BRINP3: variants seen among roughly 807,000 people sequenced by gnomAD.
The protein encoded by BRINP3 is BMP/retinoic acid inducible neural specific 3, also known as BMP/retinoic acid-inducible neural-specific protein 3.
Under a neutral mutation model 71.0 loss-of-function variants are expected in BRINP3, and 19 were observed. The ratio of observed to expected loss-of-function variants is 0.27; its 90% CI spans 0.19 to 0.39. The LOEUF is 0.39. Ranked by LOEUF, BRINP3 falls within the 10% of genes least tolerant of loss-of-function variation. The pLI, the probability that BRINP3 is intolerant of heterozygous loss-of-function variation, is 1.00. For synonymous variants in BRINP3, 380 were observed against 337.7 expected, an observed-to-expected ratio of 1.13 and a Z score of -1.37; for missense variants, 959 against 940.8, an observed-to-expected ratio of 1.02 and a Z score of -0.25.
At chr1:190,346,061 G>A (rs1174248001) in intron 2 of BRINP3, among the ~76,000 whole-genome samples, 1 of 151,868 alleles carries the variant, frequency 6.6e-6, no homozygotes, top group Non-Finnish European at 1.5e-5. Context: ...AACAATAAAA[G>A]GGTTAAGAAA....
At chr1:190,108,661 A>G (rs1399391932) in intron 7 of BRINP3, among the ~76,000 whole-genome samples, 2 of 150,024 alleles carry the variant, frequency 1.3e-5, no homozygotes, top group Non-Finnish European at 3.0e-5. Context: ...ACAAACAATG[A>G]TGAATTAACT....
In BRINP3 at chr1:190,160,675, T is replaced by C. The variant is rs1179291285; in HGVS notation, c.1177A>G (p.Arg393Gly). 5 of 1,611,986 alleles carry C rather than the reference T, an allele frequency of 3.1e-6. No individual in the cohort carries two copies. The highest frequency in any genetic ancestry group is 1.1e-5 in the South Asian group (1 of 90,750). ...CHKQPLISLP[R>G]QRTSTYWLTR... ...TTACCACAAATGTCTTACCTTTGTC[T>C]TGGCAGGCTGATGAGGGGTTGTTTA... The change falls in exon 7 of 8, where the codon AGA becomes GGA. Residue 393 changes from arginine (R) to glycine (G), a missense_variant. Arg to Gly is a moderately radical substitution (Grantham distance 125, BLOSUM62 -2). Transcript: ENST00000367462.
intron 7 of BRINP3, among the ~76,000 whole-genome samples, chr1:190,107,265 G>A (rs777102243): frequency 9.9e-5 from 15 of 151,482 alleles, no homozygotes; most frequent in African/African-American, 2.4e-4. Context: ...TATTTTCTTC[G>A]AAGCCTTTAC....
chr1:190,371,895 A>G (rs1669891959), intron 2 of BRINP3, among the ~76,000 whole-genome samples: 1 of 152,146 alleles, frequency 6.6e-6, no homozygotes, highest in Non-Finnish European at 1.5e-5. Flanking sequence ...TGAGGTCTGT[A>G]CAACCAGTAC....
chr1:190,163,557 G>A (rs1214947086), intron 6 of BRINP3, among the ~76,000 whole-genome samples: 2 of 151,912 alleles, frequency 1.3e-5, no homozygotes, highest in African/African-American at 4.8e-5. Flanking sequence ...AAGCTGGCAG[G>A]AATTTATAGT....
At chr1:190,196,118 A>C (rs1047632642) in intron 6 of BRINP3, among the ~76,000 whole-genome samples, 2 of 152,110 alleles carry the variant, frequency 1.3e-5, no homozygotes, top group African/African-American at 4.8e-5. Flanking sequence ...AGTTTCTATC[A>C]CTATAAAGCA....
At chr1:190,442,929 G>T in intron 2 of BRINP3, among the ~76,000 whole-genome samples, 1 of 127,178 alleles carries the variant, frequency 7.9e-6, no homozygotes, top group Non-Finnish European at 1.6e-5. Context: ...TTTTTTTTTG[G>T]CGACGGAGTT....
chr1:190,327,988 G>C (rs532020491), intron 2 of BRINP3, among the ~76,000 whole-genome samples: 1 of 152,024 alleles, frequency 6.6e-6, no homozygotes, highest in South Asian at 2.1e-4. Context: ...ATACCAAGAA[G>C]ATATCTCGAA....
intron 6 of BRINP3, among the ~76,000 whole-genome samples, chr1:190,205,012 C>T (rs908492473): frequency 2.0e-5 from 3 of 151,166 alleles, no homozygotes; most frequent in African/African-American, 4.9e-5. Flanking sequence ...AAAATCAGCC[C>T]GGACGATGTA....
intron 6 of BRINP3, among the ~76,000 whole-genome samples, chr1:190,191,527 T>A (rs961377870): frequency 6.6e-6 from 1 of 152,078 alleles, no homozygotes; most frequent in Non-Finnish European, 1.5e-5. Context: ...GTTCTTATGT[T>A]AGTTTGCTGA....
At chr1:190,197,879 G>C (rs1030515570) in intron 6 of BRINP3, among the ~76,000 whole-genome samples, 3 of 152,118 alleles carry the variant, frequency 2.0e-5, no homozygotes, top group Non-Finnish European at 4.4e-5. Context: ...GACTCTGTGT[G>C]GGAGCTCCCA....
intron 6 of BRINP3, among the ~76,000 whole-genome samples, chr1:190,187,634 G>A (rs1041356807): frequency 2.0e-5 from 3 of 152,116 alleles, no homozygotes; most frequent in African/African-American, 7.2e-5. Context: ...ATTGAAGACT[G>A]TCTTTTCTCC....
intron 2 of BRINP3, among the ~76,000 whole-genome samples, chr1:190,316,126 C>T (rs529867666): frequency 6.6e-6 from 1 of 151,574 alleles, no homozygotes; most frequent in South Asian, 2.1e-4. Context: ...AGTCCTATCA[C>T]CTCCAACTCT....
chr1:190,321,000 C>A (rs911332863), intron 2 of BRINP3, among the ~76,000 whole-genome samples: 7 of 151,982 alleles, frequency 4.6e-5, no homozygotes, highest in Middle Eastern at 3.4e-3. Context: ...TCTGTATATA[C>A]GCACATTTCC....
At chr1:190,268,540 A>G (rs1159904502) in intron 3 of BRINP3, among the ~76,000 whole-genome samples, 1 of 152,218 alleles carries the variant, frequency 6.6e-6, no homozygotes, top group East Asian at 1.9e-4. Context: ...TCAACATGCT[A>G]ATAAATATAT....
intron 7 of BRINP3, among the ~76,000 whole-genome samples, chr1:190,104,321 A>G: frequency 6.6e-6 from 1 of 152,084 alleles, no homozygotes; most frequent in African/African-American, 2.4e-5. Context: ...CACCTGGAAA[A>G]TAGGAATTAA....
chr1:190,462,992 A>G (rs1676495668), intron 1 of BRINP3, among the ~76,000 whole-genome samples: 1 of 152,046 alleles, frequency 6.6e-6, no homozygotes, highest in Admixed American at 6.6e-5. Context: ...TAAATCTACT[A>G]AATGTGATTT....
intron 2 of BRINP3, among the ~76,000 whole-genome samples, chr1:190,447,298 A>G (rs935116251): frequency 2.3e-5 from 2 of 86,562 alleles, no homozygotes; most frequent in Non-Finnish European, 5.7e-5. Flanking sequence ...AGTGTAAAAT[A>G]GTATATATAT....
chr1:190,195,746 G>T (rs1224096169), intron 6 of BRINP3, among the ~76,000 whole-genome samples: 1 of 151,546 alleles, frequency 6.6e-6, no homozygotes, highest in Non-Finnish European at 1.5e-5. Flanking sequence ...CTCTCAGTGG[G>T]AAAATATGAT....
Sources: allele counts gnomAD v4.1 joint callset (sites outside exome capture counted in the v4.1 genomes callset), GRCh38; gene constraint gnomAD v4.1.1; transcripts MANE v1.5; gene names NCBI Gene and HGNC (gene_info 2026-07-23, HGNC 2026-07-21).